The following BRINP1 variants were observed in gnomAD, a reference collection of about 807,000 sequenced individuals.
The protein encoded by BRINP1 is BMP/retinoic acid inducible neural specific 1.
Under a neutral mutation model 72.9 loss-of-function variants are expected in BRINP1, and 17 were observed. The observed-to-expected ratio is 0.23, with a 90% CI of 0.16 to 0.35. The LOEUF (loss-of-function observed/expected upper bound fraction) is 0.35. Among genes scored for constraint, BRINP1 ranks in the 10% least tolerant of loss-of-function variants. The probability of loss-of-function intolerance (pLI) is 1.00; values close to 1 mark genes in which losing one functional copy is unlikely to be tolerated. For missense variants in BRINP1, 850 were observed against 1,001.6 expected (o/e 0.85, Z 2.04); for synonymous variants, 418 against 378.5 (o/e 1.10, Z -1.21).
chr9:119,216,564 T>C (rs1306728514), intron 5 of BRINP1, among the ~76,000 whole-genome samples: 2 of 152,238 alleles, frequency 1.3e-5, no homozygotes, highest in Non-Finnish European at 2.9e-5. Flanking sequence ...AGTCATTTTA[T>C]CTATATCACC....
rs1248666735 is a variant in BRINP1 at position 119,308,522 on chromosome 9, A to T, written c.218+4616T>A. ...TGAATGACTGCTGTATAAAGACCAC[A>T]TCTCATTCATCTTAGTAGAACCATT... On this transcript the variant is annotated intron_variant, in intron 2 of 7. Coordinates refer to ENST00000265922, the MANE Select transcript of BRINP1 (RefSeq NM_014618.3). Among the ~76,000 whole-genome samples, 4 of 152,194 alleles carry T rather than the reference A, an allele frequency of 2.6e-5. No individual in the cohort carries two copies. The East Asian group carries it at 7.7e-4, about 29-fold the overall frequency.
chr9:119,242,390 A>G (rs986242894), intron 3 of BRINP1, among the ~76,000 whole-genome samples, 174 bp from the exon 4 acceptor site: 4 of 152,206 alleles, frequency 2.6e-5, no homozygotes, highest in African/African-American at 9.7e-5. Context: ...AGGTGGCTGT[A>G]AACACCAGGC....
chr9:119,241,262 T>C (rs925341453), intron 4 of BRINP1, among the ~76,000 whole-genome samples: 1 of 152,212 alleles, frequency 6.6e-6, no homozygotes, highest in African/African-American at 2.4e-5. Flanking sequence ...ACAGGGCCTT[T>C]CCACCATCTT....
At chr9:119,219,417 T>C (rs183319765) in intron 5 of BRINP1, among the ~76,000 whole-genome samples, 1 of 152,294 alleles carries the variant, frequency 6.6e-6, no homozygotes, top group East Asian at 1.9e-4. Flanking sequence ...AATCACTCCA[T>C]CATTTTTCTT....
chr9:119,309,711 C>T (rs372662706), intron 2 of BRINP1, among the ~76,000 whole-genome samples: 38 of 152,192 alleles, frequency 2.5e-4, no homozygotes, highest in Middle Eastern at 6.8e-3. Flanking sequence ...AATATCTGAG[C>T]GGTCATTTCT....
chr9:119,201,474 GA>G (rs1337473836), intron 7 of BRINP1, among the ~76,000 whole-genome samples: 1 of 152,186 alleles, frequency 6.6e-6, no homozygotes, highest in Non-Finnish European at 1.5e-5. Flanking sequence ...TTATGTTCTT[GA>G]ATGAATTTTA....
chr9:119,364,933 A>G (rs1291177210), intron 1 of BRINP1, among the ~76,000 whole-genome samples: 1 of 152,270 alleles, frequency 6.6e-6, no homozygotes, highest in Non-Finnish European at 1.5e-5. Flanking sequence ...TGTTAGCTAG[A>G]AAGTGTGAGA....
chr9:119,194,182 C>T (rs751108930), intron 7 of BRINP1, among the ~76,000 whole-genome samples: 21 of 152,152 alleles, frequency 1.4e-4, no homozygotes, highest in Non-Finnish European at 2.9e-4. Context: ...CCAGCAACTT[C>T]CAGCATGAAT....
At chr9:119,315,201 A>G (rs961493674) in intron 1 of BRINP1, among the ~76,000 whole-genome samples, 2 of 152,194 alleles carry the variant, frequency 1.3e-5, no homozygotes, top group South Asian at 2.1e-4. Flanking sequence ...TGCAAATATT[A>G]AAGTTTTAAC....
intron 5 of BRINP1, among the ~76,000 whole-genome samples, chr9:119,236,484 T>G (rs79736980): frequency 0.017 from 2,645 of 152,320 alleles, 29 homozygotes; most frequent in Non-Finnish European, 0.028. Flanking sequence ...TTCATTGGCT[T>G]CAGGTAAATC....
intron 1 of BRINP1, among the ~76,000 whole-genome samples, chr9:119,359,363 T>G (rs1587972990): frequency 6.6e-6 from 1 of 152,166 alleles, no homozygotes; most frequent in South Asian, 2.1e-4. Context: ...ATCTGGCTAA[T>G]TATTTTTTAA....
intron 2 of BRINP1, among the ~76,000 whole-genome samples, chr9:119,266,299 T>G (rs1305885272): frequency 6.6e-6 from 1 of 152,006 alleles, no homozygotes; most frequent in Non-Finnish European, 1.5e-5. Flanking sequence ...AAGGCCAATT[T>G]GGAGAGGTAG....
At chr9:119,296,831 G>A (rs1032559105) in intron 2 of BRINP1, among the ~76,000 whole-genome samples, 1 of 152,194 alleles carries the variant, frequency 6.6e-6, no homozygotes, top group Non-Finnish European at 1.5e-5. Flanking sequence ...GAAGCAGAGA[G>A]TAGAATGATG....
At chr9:119,329,480 T>C (rs1353018658) in intron 1 of BRINP1, among the ~76,000 whole-genome samples, 1 of 152,140 alleles carries the variant, frequency 6.6e-6, no homozygotes, top group African/African-American at 2.4e-5. Flanking sequence ...ACATGAGTGT[T>C]TAAGCAGATG....
At position 119,167,835 on chromosome 9, in the gene BRINP1, AG is replaced by A; in HGVS notation, c.1534del (p.Leu512SerfsTer30). On this transcript the variant is annotated frameshift_variant, in exon 8 of 8. Transcript: ENST00000265922. LOFTEE classifies it high-confidence loss of function. This position sits in a 1 kb window ranked among gnomAD's most constrained non-coding sequence, Gnocchi z 4.3. The stretch of plus-strand genomic sequence containing the variant: ...CCACCGAGGGTCAAAGAAGGTGTCG[AG>A]GCGGATCTCGTTGCTGATGAAGGTG... ...HTTFISNEIR[L>X]DTFFDPRWRK... is the part of the protein sequence containing the mutation. 6.2e-7 allele frequency: 1 copy of A among 1,614,136 alleles called. No individual in the cohort carries two copies. The highest frequency in any genetic ancestry group is 8.5e-7 in the Non-Finnish European group (1 of 1,180,022).
chr9:119,258,334 T>C (rs1162859226), intron 2 of BRINP1, among the ~76,000 whole-genome samples: 1 of 152,126 alleles, frequency 6.6e-6, no homozygotes, highest in Non-Finnish European at 1.5e-5. Context: ...GGCCCAACTT[T>C]TATATAAATG....
chr9:119,213,008 A>G (rs190575327), intron 6 of BRINP1, among the ~76,000 whole-genome samples: 14 of 151,120 alleles, frequency 9.3e-5, no homozygotes, highest in South Asian at 2.1e-4. Flanking sequence ...GCACATTTCC[A>G]GTTTTTACAA....
At chr9:119,230,732 G>T (rs1331842169) in intron 5 of BRINP1, among the ~76,000 whole-genome samples, 1 of 151,984 alleles carries the variant, frequency 6.6e-6, no homozygotes, top group Non-Finnish European at 1.5e-5. Context: ...AGAGGAGGAT[G>T]AAGAGAAGGA....
chr9:119,367,194 T>C (rs569905090), intron 1 of BRINP1, among the ~76,000 whole-genome samples: 669 of 42,296 alleles, frequency 0.016, 1 homozygote, highest in South Asian at 0.038. Context: ...TATGAACACA[T>C]GTGTGTGTGT....
Sources: allele counts gnomAD v4.1 joint callset (sites outside exome capture counted in the v4.1 genomes callset), GRCh38; gene constraint gnomAD v4.1.1; non-coding constraint Gnocchi (gnomAD v3.1); transcripts MANE v1.5; gene names NCBI Gene and HGNC (gene_info 2026-07-23, HGNC 2026-07-21).